FDX1: variants seen among roughly 807,000 people sequenced by gnomAD.
The protein encoded by FDX1 is ferredoxin 1, also known as adrenodoxin, mitochondrial.
FDX1 carries 9 observed loss-of-function variants against 14.9 expected under a neutral mutation model. The observed-to-expected ratio is 0.60, with a 90% CI of 0.36 to 1.05. The LOEUF (loss-of-function observed/expected upper bound fraction) is 1.05, where lower values mean the gene tolerates loss of function less well. Ranked by LOEUF, FDX1 falls within the 50% of genes least tolerant of loss-of-function variation. The probability of loss-of-function intolerance (pLI) is 0.01; values close to 1 mark genes in which losing one functional copy is unlikely to be tolerated. For synonymous variants in FDX1, 92 were observed against 99.4 expected (o/e 0.93, Z 0.44); for missense variants, 204 against 237.2 (o/e 0.86, Z 0.92).
upstream of FDX1, chr11:110,429,799 A>G (rs1226829807): frequency 4.5e-6 from 1 of 221,998 alleles, no homozygotes; most frequent in Non-Finnish European, 8.8e-6. Context: ...TTCAGCCGCT[A>G]AAAAAGCATC....
At position 110,456,903 on chromosome 11, in the gene FDX1, T is replaced by C. The variant is rs201421232; in HGVS notation, c.311-15T>C. 296 of 1,606,918 alleles carry C rather than the reference T, an allele frequency of 1.8e-4. 1 individual carries two copies. In the African/African-American group the frequency reaches 3.7e-3, roughly 20 times the overall value. ...TGTAGAAGGGACTATGTTCAGTGTT[T>C]GTTGCTTTTGTCAGGTGCATGTGAG... On this transcript the variant is annotated splice_polypyrimidine_tract_variant and intron_variant, in intron 2 of 3. Transcript: ENST00000260270.
At chr11:110,459,450 A>G (rs1355974748) in intron 3 of FDX1, among the ~76,000 whole-genome samples, 2 of 152,184 alleles carry the variant, frequency 1.3e-5, no homozygotes, top group African/African-American at 4.8e-5. Flanking sequence ...ACCATGTTGT[A>G]GGTGGGGAAA....
chr11:110,458,879 A>G (rs1946539638), intron 3 of FDX1, among the ~76,000 whole-genome samples: 1 of 152,176 alleles, frequency 6.6e-6, no homozygotes, highest in Non-Finnish European at 1.5e-5. Flanking sequence ...TGCTGGGATT[A>G]CAGGCGTGAG....
At chr11:110,447,748 C>T (rs2134685893) in intron 2 of FDX1, among the ~76,000 whole-genome samples, 1 of 152,306 alleles carries the variant, frequency 6.6e-6, no homozygotes, top group South Asian at 2.1e-4. Context: ...AATTTATGTA[C>T]TTCCTTAGCG....
rs909437317 is a variant in FDX1 at position 110,456,922 on chromosome 11, A to G, written c.315A>G (p.Ala105=). The G allele has an allele frequency of 1.9e-6, 3 of 1,611,340 alleles. No individual in the cohort carries two copies. The highest frequency in any genetic ancestry group is 1.1e-5 in the South Asian group (1 of 90,720). The change falls in exon 3 of 4, where the codon GCA becomes GCG. Residue 105 remains alanine (A), a synonymous_variant. Coordinates refer to ENST00000260270, the MANE Select transcript of FDX1 (RefSeq NM_004109.5). ...ENNLDIDGFG[A]CEGTLACSTC... ...AGTGTTTGTTGCTTTTGTCAGGTGC[A>G]TGTGAGGGAACCCTGGCTTGTTCAA...
chr11:110,430,113 CGCG>C lies in FDX1; in HGVS notation c.-6_-4del, dbSNP rs1946319315. On this transcript the variant is annotated 5_prime_UTR_variant, in exon 1 of 4. Transcript: ENST00000260270. ...TGCGTCGCTTCCGGCAGTTCCCGACCGCGGGCGATGGCTGCCGCTGGGGGCGCC... is the reference window on the plus strand; with the variant it reads ...TGCGTCGCTTCCGGCAGTTCCCGACCGGCGATGGCTGCCGCTGGGGGCGCC... 1 of 1,232,612 alleles carries C rather than the reference CGCG, an allele frequency of 8.1e-7. No individual in the cohort carries two copies. Among genetic ancestry groups the C allele is most frequent in the African/African-American group, 1.6e-5 (1 of 63,694 alleles). 76.4% of individuals were successfully genotyped at this position (1,232,612 alleles called of 1,614,324 possible).
chr11:110,439,604 A>G (rs10891108), intron 2 of FDX1, among the ~76,000 whole-genome samples: 1 of 151,960 alleles, frequency 6.6e-6, no homozygotes, highest in Non-Finnish European at 1.5e-5. Context: ...GGATGCATAG[A>G]TTGTGAATAT....
At chr11:110,437,000 T>C (rs1946374140) in intron 2 of FDX1, among the ~76,000 whole-genome samples, 1 of 152,156 alleles carries the variant, frequency 6.6e-6, no homozygotes, top group African/African-American at 2.4e-5. Context: ...TGAATATCTT[T>C]TTAAAAATTT....
At chr11:110,429,415 C>A (rs2134561612), upstream of FDX1, among the ~76,000 whole-genome samples, 1 of 152,270 alleles carries the variant, frequency 6.6e-6, no homozygotes, top group East Asian at 1.9e-4. Flanking sequence ...CTCAGCTCAT[C>A]ACAAAGTTTC....
chr11:110,450,268 C>G lies in FDX1; in HGVS notation c.311-6650C>G, dbSNP rs957267983. ...AGTGGGAAGCCCTGAGTTTGTTTTC[C>G]TGCAACTAGATCTAGGTCCCATCTG... On this transcript the variant is annotated intron_variant, in intron 2 of 3. Transcript: ENST00000260270. 3.9e-5 allele frequency among the ~76,000 whole-genome samples: 6 copies of G among 151,920 alleles called. No homozygotes were observed. In the East Asian group the frequency reaches 1.2e-3, roughly 29 times the overall value.
intron 2 of FDX1, among the ~76,000 whole-genome samples, chr11:110,444,670 A>ATATATATATATACACG (rs1946429150): frequency 5.6e-5 from 4 of 71,388 alleles, no homozygotes; most frequent in South Asian, 4.3e-4. Context: ...ATATACGTAT[A>ATATATATATATACACG]TATATATATA....
chr11:110,461,792 A>T (rs1707695108), intron 3 of FDX1, among the ~76,000 whole-genome samples: 1 of 152,216 alleles, frequency 6.6e-6, no homozygotes, highest in African/African-American at 2.4e-5. Context: ...ATTACCTGAC[A>T]GTGTAGCAGT....
At chr11:110,440,755 G>T (rs1252016822) in intron 2 of FDX1, among the ~76,000 whole-genome samples, 1 of 152,196 alleles carries the variant, frequency 6.6e-6, no homozygotes, top group African/African-American at 2.4e-5. Flanking sequence ...TCAGCCTGAC[G>T]TTTGGTGCTG....
chr11:110,435,275 T>A (rs1384935534), intron 1 of FDX1, among the ~76,000 whole-genome samples: 2 of 152,198 alleles, frequency 1.3e-5, no homozygotes, highest in African/African-American at 4.8e-5. Flanking sequence ...GGTCTCAAAC[T>A]TCTGGCGTCA....
chr11:110,435,677 G>A (rs898071813), intron 1 of FDX1, among the ~76,000 whole-genome samples, 157 bp from the exon 2 acceptor site: 2 of 152,128 alleles, frequency 1.3e-5, no homozygotes, highest in Admixed American at 6.5e-5. Flanking sequence ...GTGGCACCCC[G>A]TCACTACAAA....
intron 2 of FDX1, among the ~76,000 whole-genome samples, chr11:110,450,898 C>T (rs1257574613): frequency 6.6e-6 from 1 of 152,088 alleles, no homozygotes; most frequent in Non-Finnish European, 1.5e-5. Flanking sequence ...TATAAAGACA[C>T]TAAAAGCTGA....
At chr11:110,451,848 C>A (rs1946488575) in intron 2 of FDX1, among the ~76,000 whole-genome samples, 1 of 152,184 alleles carries the variant, frequency 6.6e-6, no homozygotes, top group South Asian at 2.1e-4. Context: ...AACCAAATAC[C>A]ACATGTTCTC....
At position 110,430,042 on chromosome 11, in the gene FDX1, G is replaced by A; in HGVS notation, c.-79G>A. 1 of 1,066,566 alleles carries A rather than the reference G, an allele frequency of 9.4e-7. No individual in the cohort carries two copies. Among genetic ancestry groups the A allele is most frequent in the Non-Finnish European group, 1.2e-6 (1 of 846,456 alleles). The allele number at this position is 1,066,566 out of a possible 1,614,324, so 66.1% of individuals were successfully genotyped here. On this transcript the variant is annotated 5_prime_UTR_variant, in exon 1 of 4. Transcript: ENST00000260270. ...GCCCTCGGGCGTCTGCGCCGCAGCT[G>A]CCGCCCCCGCCTCTTTGGAGTCTCT...
intron 2 of FDX1, among the ~76,000 whole-genome samples, chr11:110,446,225 A>G (rs969063380): frequency 6.6e-6 from 1 of 152,242 alleles, no homozygotes; most frequent in Non-Finnish European, 1.5e-5. Flanking sequence ...TGTTATCATT[A>G]TAAAGAAGAG....
Sources: gnomAD v4.1 joint callset for allele counts (sites outside exome capture counted in the v4.1 genomes callset) on GRCh38, gnomAD v4.1.1 for gene constraint, MANE v1.5 for transcripts, NCBI Gene and HGNC (gene_info 2026-07-23, HGNC 2026-07-21) for gene names.